Variants in STPG2 observed in about 807,000 individuals in gnomAD.
STPG2 encodes sperm tail PG-rich repeat containing 2, also known as sperm-tail PG-rich repeat-containing protein 2.
In STPG2, 56 loss-of-function variants were observed where a neutral mutation model predicts 54.2. The ratio of observed to expected loss-of-function variants is 1.03; its 90% CI spans 0.83 to 1.29. The LOEUF (loss-of-function observed/expected upper bound fraction) is 1.29, where lower values mean the gene tolerates loss of function less well. Among genes scored for constraint, STPG2 ranks in the 50% most tolerant of loss-of-function variants. The pLI is 0.00. For synonymous variants in STPG2, 200 were observed against 181.8 expected, an observed-to-expected ratio of 1.10 and a Z score of -0.81; for missense variants, 596 against 544.9, an observed-to-expected ratio of 1.09 and a Z score of -0.93.
chr4:97,820,195 A>G lies in STPG2; in HGVS notation c.1204+20578T>C, dbSNP rs920700570. On this transcript the variant is annotated intron_variant, in intron 9 of 10. Transcript: ENST00000295268. ...TATTGTAATTCTTTGAGGGCAACAC[A>G]AACCATGCACATATAAAATGGCAAA... Among the ~76,000 whole-genome samples, 7 of 152,282 alleles carry G rather than the reference A, an allele frequency of 4.6e-5. 1 individual carries two copies. Among genetic ancestry groups the G allele is most frequent in the African/African-American group, 1.7e-4 (7 of 41,556 alleles).
At chr4:98,114,781 G>GTC (rs1374172117) in intron 3 of STPG2, among the ~76,000 whole-genome samples, 1 of 151,240 alleles carries the variant, frequency 6.6e-6, no homozygotes, top group Non-Finnish European at 1.5e-5. Flanking sequence ...GTGTGTGTGT[G>GTC]TGTGTGTGTG....
At chr4:97,688,910 G>GAT (rs1723281815) in intron 10 of STPG2, among the ~76,000 whole-genome samples, 1 of 152,114 alleles carries the variant, frequency 6.6e-6, no homozygotes, top group South Asian at 2.1e-4. Flanking sequence ...AGATCAGAAA[G>GAT]ATATATACAT....
chr4:97,486,588 C>T (rs1730364847), intron 4 of STPG2, among the ~76,000 whole-genome samples: 1 of 151,616 alleles, frequency 6.6e-6, no homozygotes, highest in Non-Finnish European at 1.5e-5. Flanking sequence ...TTAGTACAGC[C>T]ACTATGGAAA....
chr4:97,763,318 C>A (rs112329075), intron 9 of STPG2, among the ~76,000 whole-genome samples: 1,896 of 152,230 alleles, frequency 0.012, 34 homozygotes, highest in African/African-American at 0.044. Flanking sequence ...CCTAACCTTG[C>A]ACCTTGGATT....
At chr4:97,700,516 AT>A (rs1723737852) in intron 10 of STPG2, among the ~76,000 whole-genome samples, 1 of 152,168 alleles carries the variant, frequency 6.6e-6, no homozygotes, top group Non-Finnish European at 1.5e-5. Context: ...ACCCCTAGAA[AT>A]TTTACTGAGG....
intron 8 of STPG2, among the ~76,000 whole-genome samples, chr4:97,911,246 C>A (rs767120610): frequency 6.6e-6 from 1 of 152,238 alleles, no homozygotes; most frequent in African/African-American, 2.4e-5. Flanking sequence ...CACAGAAACA[C>A]AGGAGTTTTT....
At chr4:97,847,377 A>T (rs1728986826) in intron 8 of STPG2, among the ~76,000 whole-genome samples, 1 of 152,138 alleles carries the variant, frequency 6.6e-6, no homozygotes, top group African/African-American at 2.4e-5. Flanking sequence ...TGATAGGAAA[A>T]AGTATTTTAA....
chr4:98,120,938 T>C (rs1455908120), intron 3 of STPG2, among the ~76,000 whole-genome samples: 2 of 152,218 alleles, frequency 1.3e-5, no homozygotes, highest in Non-Finnish European at 2.9e-5. Context: ...TGCTTCTGTG[T>C]CAATTGCTTT....
intron 10 of STPG2, among the ~76,000 whole-genome samples, chr4:97,635,245 T>C (rs561611927): frequency 6.6e-6 from 1 of 152,222 alleles, no homozygotes; most frequent in Non-Finnish European, 1.5e-5. Flanking sequence ...AAACTAAGCT[T>C]CATAAGTGAA....
intron 4 of STPG2, among the ~76,000 whole-genome samples, chr4:97,476,165 A>G (rs573672318): frequency 6.6e-6 from 1 of 152,280 alleles, no homozygotes; most frequent in Admixed American, 6.5e-5. Context: ...CAGTTTTCCT[A>G]TACAGCATTG....
At chr4:97,662,892 A>T (rs1007817245) in intron 10 of STPG2, among the ~76,000 whole-genome samples, 1 of 152,170 alleles carries the variant, frequency 6.6e-6, no homozygotes, top group Admixed American at 6.5e-5. Context: ...ATCACACAAT[A>T]TATCCATGTA....
chr4:97,561,850 A>G (rs866244270), intron 10 of STPG2, among the ~76,000 whole-genome samples: 15 of 152,148 alleles, frequency 9.9e-5, no homozygotes, highest in African/African-American at 3.4e-4. Context: ...GTAGCCTTGT[A>G]GTATACTTTG....
chr4:98,119,830 G>A (rs1739626958), intron 3 of STPG2, among the ~76,000 whole-genome samples: 1 of 152,078 alleles, frequency 6.6e-6, no homozygotes. Flanking sequence ...ATAAGAACAT[G>A]TTGTGTTTGG....
chr4:97,664,681 A>G (rs1722468439), intron 10 of STPG2, among the ~76,000 whole-genome samples: 2 of 144,992 alleles, frequency 1.4e-5, no homozygotes, highest in Non-Finnish European at 2.9e-5. Flanking sequence ...TTCTGATAAG[A>G]AGCTATTTTT....
At position 97,516,845 on chromosome 4, in the gene STPG2, C is replaced by A. The variant is rs982342765; in HGVS notation, c.462+195854G>T. Among the ~76,000 whole-genome samples, 65 of 107,282 alleles carry A rather than the reference C, an allele frequency of 6.1e-4. 1 individual carries two copies. Among genetic ancestry groups the A allele is most frequent in the Non-Finnish European group, 7.9e-4 (38 of 48,326 alleles). 70.4% of individuals were successfully genotyped at this position (107,282 alleles called of 152,430 possible). ...GAGCAAGACTCCATCTCAACAACAA[C>A]AACAATATATATATATATATGGTCT... On this transcript the variant is annotated intron_variant, in intron 4 of 4. Coordinates refer to the STPG2 transcript ENST00000522676.
At chr4:97,859,655 G>T (rs548452129) in intron 8 of STPG2, among the ~76,000 whole-genome samples, 1 of 151,930 alleles carries the variant, frequency 6.6e-6, no homozygotes, top group Non-Finnish European at 1.5e-5. Flanking sequence ...AGTAGAGATG[G>T]GGATTCACCA....
intron 9 of STPG2, among the ~76,000 whole-genome samples, chr4:97,812,378 CA>C (rs1199604031): frequency 6.6e-6 from 1 of 152,042 alleles, no homozygotes; most frequent in East Asian, 1.9e-4. Flanking sequence ...GCATTTCCTT[CA>C]AACTCACAGA....
intron 5 of STPG2, among the ~76,000 whole-genome samples, chr4:98,039,085 G>T (rs1736862758): frequency 6.6e-6 from 1 of 151,934 alleles, no homozygotes; most frequent in African/African-American, 2.4e-5. Flanking sequence ...TAATAAAGTT[G>T]AAAATGCACA....
chr4:97,477,386 C>T lies in STPG2; in HGVS notation c.462+235313G>A, dbSNP rs542389081. On this transcript the variant is annotated intron_variant, in intron 4 of 4. Transcript: ENST00000522676. ...CTAGGGATTTATTTGTCCTTATCCT[C>T]CTAGAAAAGTATGCAAAGAAAAATT... 1.8e-3 allele frequency among the ~76,000 whole-genome samples: 280 copies of T among 152,132 alleles called. 1 individual carries two copies. Among genetic ancestry groups the T allele is most frequent in the African/African-American group, 6.4e-3 (267 of 41,532 alleles).
Sources: gnomAD v4.1 joint callset for allele counts (sites outside exome capture counted in the v4.1 genomes callset) on GRCh38, gnomAD v4.1.1 for gene constraint, MANE v1.5 for transcripts, NCBI Gene and HGNC (gene_info 2026-07-23, HGNC 2026-07-21) for gene names.